The following HIVEP1 variants were observed in gnomAD, a reference collection of about 807,000 sequenced individuals.
HIVEP1 encodes the protein HIVEP zinc finger 1, also known as zinc finger protein 40.
A neutral mutation model predicts 180.0 loss-of-function variants in HIVEP1; 36 were observed. The observed-to-expected ratio is 0.20, with a 90% CI of 0.15 to 0.26. The LOEUF (loss-of-function observed/expected upper bound fraction) is 0.26, where lower values mean the gene tolerates loss of function less well. Among genes scored for constraint, HIVEP1 ranks in the 10% least tolerant of loss-of-function variants. The probability of loss-of-function intolerance (pLI) is 1.00; values close to 1 mark genes in which losing one functional copy is unlikely to be tolerated. For missense variants in HIVEP1, 3,143 were observed against 3,268.7 expected (o/e 0.96, Z 0.94); for synonymous variants, 1,239 against 1,239.0 (o/e 1.00, Z 0.00).
chr6:12,080,590 T>G (rs1053513828), intron 2 of HIVEP1, among the ~76,000 whole-genome samples: 2 of 152,184 alleles, frequency 1.3e-5, no homozygotes, highest in Admixed American at 1.3e-4. Flanking sequence ...ATCAAGATGG[T>G]TTTCATAAAG....
intron 1 of HIVEP1, among the ~76,000 whole-genome samples, chr6:12,014,919 C>T (rs907105542): frequency 3.3e-5 from 5 of 152,228 alleles, no homozygotes; most frequent in African/African-American, 1.2e-4. Context: ...CTGTCTGGAG[C>T]AGTGCTGATC....
At position 12,060,559 on chromosome 6, in the gene HIVEP1, C is replaced by T. The variant is rs1771158959; in HGVS notation, c.41-28625C>T. Reference sequence around the variant, plus strand: ...GTTTCTTGACTGTCATAATGGATGGCCTCTCTCTCTCTGTCGTTTTTAAGA... The same window carrying T: ...GTTTCTTGACTGTCATAATGGATGGTCTCTCTCTCTCTGTCGTTTTTAAGA... On this transcript the variant is annotated intron_variant, in intron 2 of 8. Transcript: ENST00000379388. 2.6e-5 allele frequency among the ~76,000 whole-genome samples: 4 copies of T among 151,834 alleles called. No homozygotes were observed. In the South Asian group the frequency reaches 8.3e-4, roughly 32 times the overall value.
chr6:12,057,940 C>G (rs1332486620), intron 2 of HIVEP1, among the ~76,000 whole-genome samples: 2 of 152,148 alleles, frequency 1.3e-5, no homozygotes, highest in African/African-American at 4.8e-5. Context: ...TTAAAGATTA[C>G]TTCTTATTGT....
At chr6:12,115,651 A>G (rs1179769542) in intron 3 of HIVEP1, among the ~76,000 whole-genome samples, 2 of 151,956 alleles carry the variant, frequency 1.3e-5, no homozygotes, top group Non-Finnish European at 2.9e-5. Context: ...CCTGACTCCT[A>G]TTTTGAATCT....
upstream of HIVEP1, among the ~76,000 whole-genome samples, chr6:12,009,076 C>T (rs934583485): frequency 2.7e-5 from 4 of 150,364 alleles, no homozygotes; most frequent in African/African-American, 9.7e-5. Context: ...GCGGCGTGAC[C>T]CGGCGGCCGG....
At chr6:12,211,486 TAC>T in the HIVEP1 span, among the ~76,000 whole-genome samples, 6 of 95,190 alleles carry the variant, frequency 6.3e-5, no homozygotes, top group South Asian at 8.5e-4. Context: ...TATATATATA[TAC>T]ACACACACAC....
intron 2 of HIVEP1, among the ~76,000 whole-genome samples, chr6:12,035,255 G>A (rs970686215): frequency 2.6e-5 from 4 of 152,208 alleles, no homozygotes; most frequent in African/African-American, 9.6e-5. Context: ...CTTTCTAAGT[G>A]TATCCTGATT....
At chr6:12,107,614 TG>T (rs1391560937) in intron 3 of HIVEP1, among the ~76,000 whole-genome samples, 3 of 152,140 alleles carry the variant, frequency 2.0e-5, no homozygotes, top group African/African-American at 7.2e-5. Context: ...TGCCTTCTGG[TG>T]GGTTCGTGGT....
intron 2 of HIVEP1, among the ~76,000 whole-genome samples, chr6:12,077,487 T>G (rs929557904): frequency 3.3e-5 from 5 of 152,112 alleles, no homozygotes; most frequent in Admixed American, 3.3e-4. Context: ...TTGTCATCTT[T>G]CGTAGGCATG....
chr6:12,184,058 C>T, the HIVEP1 span, among the ~76,000 whole-genome samples: 21 of 146,876 alleles, frequency 1.4e-4, no homozygotes, highest in African/African-American at 5.5e-4. Flanking sequence ...GACAGACAGA[C>T]AGACTGATTT....
Position 12,122,794 on chromosome 6 carries a change from G to C in HIVEP1, c.2999G>C (p.Ser1000Thr). ...TKVAMREPEH[S>T]PVPGGLQPQI... is the part of the protein sequence containing the mutation. ...GTAGCCATGAGAGAACCTGAGCACA[G>C]CCCTGTGCCCGGCGGTCTGCAGCCT... Residue 1000 changes from serine (S) to threonine (T), a missense_variant, in exon 4 of 9, where the codon AGC (serine) becomes ACC (threonine). This residue lies in a region of HIVEP1 where 1,357 missense variants were observed against 1,260.5 expected (regional missense o/e 1.08). Transcript: ENST00000379388. The C allele has an allele frequency of 6.2e-7, 1 of 1,613,596 alleles. No individual in the cohort carries two copies. Among genetic ancestry groups the C allele is most frequent in the African/African-American group, 1.3e-5 (1 of 74,952 alleles).
At chr6:12,018,298 C>G (rs536310414) in intron 2 of HIVEP1, among the ~76,000 whole-genome samples, 28 of 152,324 alleles carry the variant, frequency 1.8e-4, no homozygotes, top group African/African-American at 6.3e-4. Context: ...CTGAGGGAGC[C>G]GGCTCTGGCC....
Position 12,123,719 on chromosome 6 carries a change from G to C in HIVEP1, c.3924G>C (p.Arg1308Ser), listed in dbSNP as rs369754956. 25 of 1,613,984 alleles carry C rather than the reference G, an allele frequency of 1.5e-5. No homozygotes were observed. The highest frequency in any genetic ancestry group is 8.3e-5 in the Admixed American group (5 of 59,988). ...CCACTCTCTCCAGGAGTCTAAGTAG[G>C]GAGAGCAGTTTATCTCACACTTCAA... ...FDSTLSRSLS[R>S]ESSLSHTSSF... is the part of the protein sequence containing the mutation. Residue 1308 changes from arginine to serine, a missense_variant, in exon 4 of 9, where the codon AGG becomes AGC. Arg to Ser is a moderately radical substitution (Grantham distance 110). Transcript: ENST00000379388.
intron 6 of HIVEP1, among the ~76,000 whole-genome samples, chr6:12,131,918 C>A (rs1758443882): frequency 6.6e-6 from 1 of 151,534 alleles, no homozygotes; most frequent in African/African-American, 2.4e-5. Flanking sequence ...AACTTCTTAG[C>A]AAAATTTATT....
intron 2 of HIVEP1, among the ~76,000 whole-genome samples, chr6:12,075,153 G>A (rs1016355040): frequency 3.3e-5 from 5 of 152,240 alleles, no homozygotes; most frequent in Non-Finnish European, 5.9e-5. Flanking sequence ...ACGTAGACAC[G>A]TGCATGACAC....
the HIVEP1 span, among the ~76,000 whole-genome samples, chr6:12,205,003 G>C: frequency 6.6e-6 from 1 of 152,128 alleles, no homozygotes; most frequent in Non-Finnish European, 1.5e-5. Context: ...AAAGGCACTG[G>C]GGCAGAGAGC....
At chr6:12,139,422 G>A (rs143230265) in intron 7 of HIVEP1, among the ~76,000 whole-genome samples, 221 of 152,264 alleles carry the variant, frequency 1.5e-3, no homozygotes, top group Non-Finnish European at 9.9e-4. Context: ...CGTGATTGAC[G>A]CAGAAGACGG....
chr6:12,083,984 A>G (rs1772953951), intron 2 of HIVEP1, among the ~76,000 whole-genome samples: 1 of 152,156 alleles, frequency 6.6e-6, no homozygotes, highest in Non-Finnish European at 1.5e-5. Flanking sequence ...GCTGTATGAA[A>G]TACTGTAGAA....
At chr6:12,176,528 G>A in the HIVEP1 span, among the ~76,000 whole-genome samples, 6 of 152,046 alleles carry the variant, frequency 3.9e-5, no homozygotes, top group African/African-American at 9.7e-5. Context: ...CACCGTGCCC[G>A]GCCAGTCTTG....
Sources: gnomAD v4.1 joint callset for allele counts (sites outside exome capture counted in the v4.1 genomes callset) on GRCh38, gnomAD v4.1.1 for gene constraint, gnomAD v4.1.1 regional missense constraint, MANE v1.5 for transcripts, NCBI Gene and HGNC (gene_info 2026-07-23, HGNC 2026-07-21) for gene names.